The following GRIK4 variants were observed in gnomAD, a reference collection of about 807,000 sequenced individuals.
GRIK4 encodes the protein glutamate receptor ionotropic, kainate 4.
In GRIK4, 40 loss-of-function variants were observed where a neutral mutation model predicts 104.9. The ratio of observed to expected loss-of-function variants is 0.38; its 90% CI spans 0.30 to 0.50. GRIK4 has a LOEUF of 0.50. Ranked by LOEUF, GRIK4 falls within the 20% of genes least tolerant of loss-of-function variation. GRIK4 has a pLI of 0.93. For missense variants in GRIK4, 1,047 were observed against 1,308.1 expected, an observed-to-expected ratio of 0.80 and a Z score of 3.08; for synonymous variants, 485 against 524.9, an observed-to-expected ratio of 0.92 and a Z score of 1.04.
In GRIK4 at chr11:120,897,601, C is replaced by CAAAAAA. The variant is rs56807699; in HGVS notation, c.1165-910_1165-905dup. 1.2e-3 allele frequency among the ~76,000 whole-genome samples: 16 copies of CAAAAAA among 13,058 alleles called. 2 individuals carry two copies. Among genetic ancestry groups the CAAAAAA allele is most frequent in the Admixed American group, 1.6e-3 (1 of 644 alleles). The allele number at this position is 13,058 out of a possible 152,430, so 8.6% of individuals were successfully genotyped here. ...TGGGTGACAGAACAAGACTCCTTCT[C>CAAAAAA]AAAAAAAAAAAAAAAAAAAAAAAAA... On this transcript the variant is annotated intron_variant, in intron 11 of 20. Coordinates refer to ENST00000527524, the MANE Select transcript of GRIK4 (RefSeq NM_014619.5).
intron 8 of GRIK4, chr11:120,858,884 T>C (rs932504686): frequency 6.6e-6 from 1 of 152,220 alleles, no homozygotes; most frequent in African/African-American, 2.4e-5. Context: ...TAGAGTGTCG[T>C]GGGAAATGGC....
At chr11:120,800,817 T>G (rs545715569) in intron 3 of GRIK4, among the ~76,000 whole-genome samples, 1 of 152,368 alleles carries the variant, frequency 6.6e-6, no homozygotes, top group Non-Finnish European at 1.5e-5. Context: ...CCTGGATCTC[T>G]GCGTCCGCGC....
intron 3 of GRIK4, among the ~76,000 whole-genome samples, chr11:120,661,144 C>T (rs1051060228): frequency 1.3e-5 from 2 of 152,084 alleles, no homozygotes; most frequent in African/African-American, 2.4e-5. Flanking sequence ...CAGTTCAGTC[C>T]GGCAGGCGCA....
At chr11:120,915,939 C>T (rs1056564048) in intron 13 of GRIK4, among the ~76,000 whole-genome samples, 9 of 152,316 alleles carry the variant, frequency 5.9e-5, no homozygotes, top group Admixed American at 5.9e-4. Flanking sequence ...GACTCAGACC[C>T]CAATCTTGGG....
intron 3 of GRIK4, among the ~76,000 whole-genome samples, chr11:120,770,532 A>G (rs564307151): frequency 5.1e-4 from 77 of 152,372 alleles, no homozygotes; most frequent in African/African-American, 1.7e-3. Context: ...AGGCTGGCTG[A>G]CAAGGTATAC....
intron 6 of GRIK4, among the ~76,000 whole-genome samples, chr11:120,828,656 G>C (rs1482136434): frequency 2.6e-5 from 4 of 152,194 alleles, no homozygotes; most frequent in Non-Finnish European, 4.4e-5. Flanking sequence ...AGCCAGGTGT[G>C]TCCAGGTTGG....
intron 1 of GRIK4, among the ~76,000 whole-genome samples, chr11:120,530,199 G>A (rs970061999): frequency 3.9e-5 from 6 of 152,236 alleles, no homozygotes; most frequent in Non-Finnish European, 7.3e-5. Flanking sequence ...TAATTCAAGT[G>A]CAAACAGTGT....
chr11:120,819,925 G>A lies in GRIK4; in HGVS notation c.511+5G>A. The stretch of plus-strand genomic sequence containing the variant: ...TCATCTGTGCCAAAGCAGAATGTAA[G>A]TTTCCCCAGGCTGGCTCTGCCCCAG... On this transcript the variant is annotated splice_donor_5th_base_variant and intron_variant, in intron 6 of 20. Transcript: ENST00000527524. The surrounding 1 kb of genome is among the most constrained non-coding windows in gnomAD (Gnocchi z 4.3). The A allele has an allele frequency of 6.2e-7, 1 of 1,613,328 alleles. No individual in the cohort carries two copies. Among genetic ancestry groups the A allele is most frequent in the Non-Finnish European group, 8.5e-7 (1 of 1,179,922 alleles).
At chr11:120,609,635 C>T (rs1372864455) in intron 1 of GRIK4, among the ~76,000 whole-genome samples, 1 of 149,902 alleles carries the variant, frequency 6.7e-6, no homozygotes, top group Non-Finnish European at 1.5e-5. Context: ...CTGCCTCAGC[C>T]TCCTGAGTAG....
chr11:120,741,239 C>T (rs1401007165), intron 3 of GRIK4, among the ~76,000 whole-genome samples: 1 of 149,670 alleles, frequency 6.7e-6, no homozygotes, highest in East Asian at 2.0e-4. Context: ...CCTCAGTTTA[C>T]ACAGCTGAGA....
chr11:120,790,487 A>G (rs867405685), intron 3 of GRIK4, among the ~76,000 whole-genome samples: 1 of 152,292 alleles, frequency 6.6e-6, no homozygotes, highest in East Asian at 1.9e-4. Flanking sequence ...TTTAAAAAAC[A>G]GCTGAGTACG....
chr11:120,928,042 G>A (rs1168711359), intron 13 of GRIK4, among the ~76,000 whole-genome samples: 1 of 151,666 alleles, frequency 6.6e-6, no homozygotes, highest in African/African-American at 2.4e-5. Context: ...TGGTGAAACC[G>A]TGTTTCTACT....
intron 13 of GRIK4, among the ~76,000 whole-genome samples, chr11:120,907,415 G>A (rs1189357505): frequency 6.6e-6 from 1 of 152,142 alleles, no homozygotes; most frequent in Admixed American, 6.5e-5. Flanking sequence ...CACACACCGA[G>A]TGACTTGAAC....
rs537091706 is a variant in GRIK4 at position 120,744,365 on chromosome 11, C to T, written c.83-58328C>T. ...GACCCACAACCCCACTGTCCCTGGC[C>T]CTTGTCAATCATGTTAGCCTTTTTG... On this transcript the variant is annotated intron_variant, in intron 3 of 20. Transcript: ENST00000527524. Among the ~76,000 whole-genome samples, 5 of 152,260 alleles carry T rather than the reference C, an allele frequency of 3.3e-5. No homozygotes were observed. The East Asian group carries it at 9.7e-4, about 29-fold the overall frequency.
chr11:120,901,468 T>C (rs1477189074), intron 12 of GRIK4, among the ~76,000 whole-genome samples: 1 of 152,176 alleles, frequency 6.6e-6, no homozygotes, highest in African/African-American at 2.4e-5. Context: ...CCACGAAGCC[T>C]TCCCTGCTCT....
At chr11:120,798,590 G>A (rs926839010) in intron 3 of GRIK4, among the ~76,000 whole-genome samples, 6 of 152,014 alleles carry the variant, frequency 3.9e-5, no homozygotes, top group Non-Finnish European at 5.9e-5. Flanking sequence ...AGCGGTTCTC[G>A]TGCCTCATCC....
chr11:120,874,809 A>G (rs1225275136), intron 10 of GRIK4, among the ~76,000 whole-genome samples: 1 of 152,130 alleles, frequency 6.6e-6, no homozygotes, highest in African/African-American at 2.4e-5. Context: ...CCCGGAGAGG[A>G]TGAATGCTGT....
At chr11:120,615,843 A>G (rs977179728) in intron 1 of GRIK4, among the ~76,000 whole-genome samples, 1 of 151,528 alleles carries the variant, frequency 6.6e-6, no homozygotes, top group Admixed American at 6.6e-5. Flanking sequence ...AGTCTCACTC[A>G]TTGCTTATGT....
At chr11:120,717,636 CT>C (rs1207855345) in intron 3 of GRIK4, among the ~76,000 whole-genome samples, 1 of 152,070 alleles carries the variant, frequency 6.6e-6, no homozygotes, top group Non-Finnish European at 1.5e-5. Flanking sequence ...CATTTCCTTA[CT>C]TACAAGAGGG....
Sources: allele counts gnomAD v4.1 joint callset (sites outside exome capture counted in the v4.1 genomes callset), GRCh38; gene constraint gnomAD v4.1.1; non-coding constraint Gnocchi (gnomAD v3.1); transcripts MANE v1.5; gene names NCBI Gene and HGNC (gene_info 2026-07-23, HGNC 2026-07-21).